CRACR2A: variants seen among roughly 807,000 people sequenced by gnomAD.
The protein encoded by CRACR2A is calcium release activated channel regulator 2A.
In CRACR2A, 79 loss-of-function variants were observed where a neutral mutation model predicts 90.5. The observed-to-expected ratio is 0.87, with a 90% CI of 0.73 to 1.05. The LOEUF (loss-of-function observed/expected upper bound fraction) is 1.05. Among genes scored for constraint, CRACR2A ranks in the 50% least tolerant of loss-of-function variants. The pLI is 0.00. For missense variants in CRACR2A, 823 were observed against 897.2 expected, an observed-to-expected ratio of 0.92 and a Z score of 1.06; for synonymous variants, 338 against 356.7, an observed-to-expected ratio of 0.95 and a Z score of 0.59.
At chr12:3,749,425 A>T (rs767046830) in intron 1 of CRACR2A, among the ~76,000 whole-genome samples, 1 of 152,152 alleles carries the variant, frequency 6.6e-6, no homozygotes, top group Non-Finnish European at 1.5e-5. Flanking sequence ...GGTTCCCAAA[A>T]TATAGGTCCC....
chr12:3,731,323 T>C (rs1946358076), intron 2 of CRACR2A: 1 of 152,420 alleles, frequency 6.6e-6, no homozygotes, highest in African/African-American at 2.4e-5. Flanking sequence ...CCTCGATAGT[T>C]AAGGCTGCCT....
intron 3 of CRACR2A, among the ~76,000 whole-genome samples, chr12:3,700,058 A>G (rs1945811576): frequency 6.6e-6 from 1 of 152,204 alleles, no homozygotes; most frequent in Admixed American, 6.5e-5. Flanking sequence ...GGAATGAAGG[A>G]TGGTGATCCT....
chr12:3,654,492 G>A (rs1226085646), intron 9 of CRACR2A, 93 bp from the exon 10 acceptor site: 1 of 1,304,384 alleles, frequency 7.7e-7, no homozygotes, highest in Non-Finnish European at 1.0e-6. Context: ...CTGCTTGGCA[G>A]GCAGGAACCG....
At chr12:3,639,364 G>A (rs1323873044) in intron 13 of CRACR2A, among the ~76,000 whole-genome samples, 3 of 151,902 alleles carry the variant, frequency 2.0e-5, no homozygotes, top group African/African-American at 7.3e-5. Flanking sequence ...GGTCAATGCA[G>A]GGTCTGTATT....
Position 3,672,223 on chromosome 12 carries a change from G to A in CRACR2A, c.671+1223C>T, listed in dbSNP as rs1036450399. On this transcript the variant is annotated intron_variant, in intron 7 of 19. Coordinates refer to ENST00000440314, the MANE Select transcript of CRACR2A (RefSeq NM_001144958.2). ...AGTTAAGGTCAGGGAGACACAAGACGAAAAGGAGCCGGGACTCAGAATAAT... is the reference window on the plus strand; with the variant it reads ...AGTTAAGGTCAGGGAGACACAAGACAAAAAGGAGCCGGGACTCAGAATAAT... Among the ~76,000 whole-genome samples the A allele has an allele frequency of 3.3e-5, 5 of 152,276 alleles. No homozygotes were observed. The East Asian group carries it at 5.8e-4, about 18-fold the overall frequency.
chr12:3,750,084 T>C (rs972730847), intron 1 of CRACR2A, among the ~76,000 whole-genome samples: 32 of 151,954 alleles, frequency 2.1e-4, no homozygotes, highest in African/African-American at 7.7e-4. Flanking sequence ...TACAGGTGCC[T>C]GCCACCAAGC....
Position 3,650,104 on chromosome 12 carries a change from T to G in CRACR2A, c.1047-1491A>C, listed in dbSNP as rs896589677. On this transcript the variant is annotated intron_variant, in intron 10 of 19. Transcript: ENST00000440314. ...TTCCAAACTGCAGCACAGCTTTTCA[T>G]GTAGGGAGCATCTCGCAAGTTGATA... is the stretch of plus-strand genomic sequence containing the variant. Among the ~76,000 whole-genome samples the G allele has an allele frequency of 2.0e-5, 3 of 152,176 alleles. No individual in the cohort carries two copies. In the South Asian group the frequency reaches 6.2e-4, roughly 32 times the overall value.
intron 1 of CRACR2A, among the ~76,000 whole-genome samples, chr12:3,741,296 C>G (rs1343771339): frequency 2.6e-5 from 4 of 152,116 alleles, no homozygotes; most frequent in African/African-American, 9.7e-5. Context: ...GAGCTCTGGG[C>G]TATGGGGCAC....
chr12:3,650,903 A>G (rs187266894), intron 10 of CRACR2A, among the ~76,000 whole-genome samples: 39 of 152,338 alleles, frequency 2.6e-4, no homozygotes, highest in Admixed American at 2.2e-3. Flanking sequence ...ATCTGCTTGG[A>G]TATTTGTACA....
intron 7 of CRACR2A, among the ~76,000 whole-genome samples, chr12:3,666,414 G>A (rs553865248): frequency 9.9e-5 from 15 of 151,870 alleles, no homozygotes; most frequent in African/African-American, 3.4e-4. Context: ...TCTGGTGCTG[G>A]GTTACTGGGG....
intron 2 of CRACR2A, chr12:3,730,645 C>A (rs757450601): frequency 1.3e-5 from 2 of 152,190 alleles, no homozygotes; most frequent in Non-Finnish European, 2.9e-5. Context: ...GGAAGCTCTC[C>A]ACATACTGAG....
chr12:3,633,535 C>T lies in CRACR2A; in HGVS notation c.1735+69G>A, dbSNP rs943042485. 38 of 1,543,122 alleles carry T rather than the reference C, an allele frequency of 2.5e-5. No individual in the cohort carries two copies. Among genetic ancestry groups the T allele is most frequent in the East Asian group, 1.5e-4 (6 of 40,802 alleles). On this transcript the variant is annotated intron_variant, in intron 15 of 19. Coordinates refer to ENST00000440314, the MANE Select transcript of CRACR2A (RefSeq NM_001144958.2). The surrounding 1 kb of genome is among the most constrained non-coding windows in gnomAD (Gnocchi z 4.5). ...CATGGGCTTCTAACGCTCCCTGCCC[C>T]GGGCCCCCTTCTCACAAACTCCCTT...
At chr12:3,621,420 G>A (rs1286370076) in intron 17 of CRACR2A, among the ~76,000 whole-genome samples, 4 of 147,440 alleles carry the variant, frequency 2.7e-5, no homozygotes, top group South Asian at 2.2e-4. Context: ...TTGGGAGGCC[G>A]AGGTGGGTGG....
chr12:3,647,562 G>A (rs182664076), intron 11 of CRACR2A, among the ~76,000 whole-genome samples: 14 of 151,988 alleles, frequency 9.2e-5, no homozygotes, highest in Admixed American at 3.9e-4. Context: ...CAAGACCTTC[G>A]CGCAAATGGA....
At chr12:3,670,404 C>G (rs989333600) in intron 7 of CRACR2A, among the ~76,000 whole-genome samples, 4 of 152,186 alleles carry the variant, frequency 2.6e-5, no homozygotes, top group Non-Finnish European at 5.9e-5. Context: ...CCTCCCACTT[C>G]CTCTCTAAAA....
rs145365130 is a variant in CRACR2A at position 3,628,875 on chromosome 12, C to G, written c.1736-1169G>C. ...ATGGAAACGGTCATCCCAGCCACTG[C>G]CGCTGGGCAAAGGCTAGTGCATTAA... is the stretch of plus-strand genomic sequence containing the variant. On this transcript the variant is annotated intron_variant, in intron 15 of 19. Transcript: ENST00000440314. Among the ~76,000 whole-genome samples, 1,183 of 152,266 alleles carry G rather than the reference C, an allele frequency of 7.8e-3. 12 individuals are homozygous for G. Among genetic ancestry groups the G allele is most frequent in the East Asian group, 0.042 (216 of 5,174 alleles).
At chr12:3,705,094 C>G (rs1444604205) in intron 3 of CRACR2A, among the ~76,000 whole-genome samples, 1 of 152,120 alleles carries the variant, frequency 6.6e-6, no homozygotes, top group Non-Finnish European at 1.5e-5. Flanking sequence ...TGCCATTAGA[C>G]CAACAGACAG....
intron 6 of CRACR2A, among the ~76,000 whole-genome samples, chr12:3,676,868 G>C (rs531086418): frequency 1.3e-5 from 2 of 152,270 alleles, no homozygotes; most frequent in Admixed American, 1.3e-4. Flanking sequence ...TCCTGATGGA[G>C]CCAACTGAGC....
chr12:3,750,532 C>G (rs1397152493), intron 1 of CRACR2A, among the ~76,000 whole-genome samples: 1 of 152,204 alleles, frequency 6.6e-6, no homozygotes, highest in African/African-American at 2.4e-5. Context: ...TCTTTTAGCT[C>G]TTCTCTAGGG....
Sources: gnomAD v4.1 joint callset for allele counts (sites outside exome capture counted in the v4.1 genomes callset) on GRCh38, gnomAD v4.1.1 for gene constraint, Gnocchi (gnomAD v3.1) non-coding constraint, MANE v1.5 for transcripts, NCBI Gene and HGNC (gene_info 2026-07-23, HGNC 2026-07-21) for gene names.